Variants in GRID1 observed in about 807,000 individuals in gnomAD.
GRID1 encodes glutamate ionotropic receptor delta type subunit 1.
Under a neutral mutation model 98.0 loss-of-function variants are expected in GRID1, and 28 were observed. That is an observed-to-expected ratio of 0.29 (90% CI 0.21 to 0.39). The LOEUF is 0.39. Among genes scored for constraint, GRID1 ranks in the 10% least tolerant of loss-of-function variants. The probability of loss-of-function intolerance (pLI) is 1.00; values close to 1 mark genes in which losing one functional copy is unlikely to be tolerated. For synonymous variants in GRID1, 553 were observed against 538.5 expected (o/e 1.03, Z -0.37); for missense variants, 1,111 against 1,340.5 (o/e 0.83, Z 2.67).
chr10:85,864,503 T>A (rs931875084), intron 6 of GRID1, among the ~76,000 whole-genome samples: 7 of 152,338 alleles, frequency 4.6e-5, no homozygotes, highest in Non-Finnish European at 8.8e-5. Flanking sequence ...TGCGCAATTG[T>A]CTCCGACAAA....
At chr10:86,106,933 G>T (rs759867780) in intron 4 of GRID1, among the ~76,000 whole-genome samples, 3 of 152,102 alleles carry the variant, frequency 2.0e-5, no homozygotes, top group African/African-American at 7.2e-5. Context: ...GGTGAGGAGA[G>T]AGGTGAAGTT....
At chr10:85,689,922 C>T (rs1166993088) in intron 12 of GRID1, among the ~76,000 whole-genome samples, 5 of 152,042 alleles carry the variant, frequency 3.3e-5, no homozygotes, top group African/African-American at 1.2e-4. Flanking sequence ...ATATCTATGT[C>T]CTTTTGTTGA....
At chr10:85,992,743 A>C (rs547336839) in intron 4 of GRID1, among the ~76,000 whole-genome samples, 1 of 152,238 alleles carries the variant, frequency 6.6e-6, no homozygotes, top group Middle Eastern at 3.4e-3. Context: ...TGAGCCCAGG[A>C]GTTCAAGACC....
chr10:85,971,015 T>TA (rs1234164649), intron 4 of GRID1, among the ~76,000 whole-genome samples: 1 of 151,866 alleles, frequency 6.6e-6, no homozygotes, highest in Admixed American at 6.6e-5. Flanking sequence ...GATCAATATG[T>TA]AAAAATCAAC....
chr10:85,982,988 A>G (rs897723897), intron 4 of GRID1, among the ~76,000 whole-genome samples: 24 of 152,188 alleles, frequency 1.6e-4, no homozygotes, highest in Non-Finnish European at 2.9e-4. Flanking sequence ...AGAAACCTAC[A>G]TGGCATTTCC....
intron 6 of GRID1, among the ~76,000 whole-genome samples, chr10:85,864,782 C>T (rs755064660): frequency 6.6e-6 from 1 of 151,986 alleles, no homozygotes; most frequent in Admixed American, 6.6e-5. Flanking sequence ...TCAAGCCATT[C>T]GACAATTTTA....
chr10:85,877,952 C>A (rs1406816372), intron 5 of GRID1, among the ~76,000 whole-genome samples: 1 of 152,158 alleles, frequency 6.6e-6, no homozygotes, highest in East Asian at 1.9e-4. Context: ...AAAGCCAAGG[C>A]TTGAGAACTA....
intron 5 of GRID1, among the ~76,000 whole-genome samples, chr10:85,895,771 T>C (rs1841284885): frequency 1.3e-5 from 2 of 152,310 alleles, no homozygotes; most frequent in East Asian, 1.9e-4. Flanking sequence ...GTCTTAATGA[T>C]ATGAAATTCC....
chr10:85,833,937 GAGAGAAA>G (rs1842891568), intron 8 of GRID1, among the ~76,000 whole-genome samples: 1 of 152,180 alleles, frequency 6.6e-6, no homozygotes, highest in Non-Finnish European at 1.5e-5. Flanking sequence ...GTGACAAACA[GAGAGAAA>G]ACAGATTGAT....
chr10:85,611,958 T>C (rs1348319697), intron 15 of GRID1, among the ~76,000 whole-genome samples: 3 of 152,176 alleles, frequency 2.0e-5, no homozygotes, highest in African/African-American at 4.8e-5. Context: ...CCAGGGGTGA[T>C]AGGACAGCCA....
intron 12 of GRID1, among the ~76,000 whole-genome samples, chr10:85,666,971 C>G (rs989060895): frequency 6.6e-6 from 1 of 152,148 alleles, no homozygotes; most frequent in Non-Finnish European, 1.5e-5. Flanking sequence ...CGCAGATCTC[C>G]CTACTCCTCC....
At chr10:85,871,994 G>A (rs1326962407) in intron 5 of GRID1, among the ~76,000 whole-genome samples, 2 of 152,294 alleles carry the variant, frequency 1.3e-5, no homozygotes, top group East Asian at 3.9e-4. Context: ...CAAAGGTGGG[G>A]AAATTGACAA....
At chr10:86,197,924 T>C (rs1056056617) in intron 3 of GRID1, among the ~76,000 whole-genome samples, 1 of 152,128 alleles carries the variant, frequency 6.6e-6, no homozygotes, top group Non-Finnish European at 1.5e-5. Context: ...ATAGGTTTCC[T>C]AGCAATTAAA....
At chr10:86,188,017 TTGCCC>T (rs1845749741) in intron 3 of GRID1, among the ~76,000 whole-genome samples, 1 of 152,270 alleles carries the variant, frequency 6.6e-6, no homozygotes, top group East Asian at 1.9e-4. Context: ...CTCCAGGCCT[TTGCCC>T]TGCCCTGCCC....
intron 4 of GRID1, among the ~76,000 whole-genome samples, chr10:86,000,568 G>T (rs1842791806): frequency 6.6e-6 from 1 of 152,164 alleles, no homozygotes; most frequent in South Asian, 2.1e-4. Context: ...TTGGTGAAGG[G>T]ATAGACAAAT....
intron 8 of GRID1, among the ~76,000 whole-genome samples, chr10:85,736,219 GGAAGGAAGGAGA>G (rs1841882287): frequency 7.2e-6 from 1 of 139,046 alleles, no homozygotes; most frequent in Admixed American, 7.2e-5. Flanking sequence ...AAAGAAGGAG[GGAAGGAAGGAGA>G]GAAGGAGGGA....
intron 4 of GRID1, among the ~76,000 whole-genome samples, chr10:85,933,844 G>A (rs1314847649): frequency 6.6e-6 from 1 of 152,198 alleles, no homozygotes; most frequent in African/African-American, 2.4e-5. Context: ...AACAGGATGT[G>A]CATGAGGGCT....
chr10:85,993,205 GTAC>G (rs1842702684), intron 4 of GRID1, among the ~76,000 whole-genome samples: 1 of 152,184 alleles, frequency 6.6e-6, no homozygotes, highest in East Asian at 1.9e-4. Context: ...AGAACAGCAG[GTAC>G]AGAGGACAAG....
intron 4 of GRID1, among the ~76,000 whole-genome samples, chr10:86,001,863 G>C (rs1226858870): frequency 6.6e-6 from 1 of 152,126 alleles, no homozygotes; most frequent in Non-Finnish European, 1.5e-5. Flanking sequence ...CTGAAGTCAA[G>C]GTGCCAGCAA....
Sources: allele counts gnomAD v4.1 joint callset (sites outside exome capture counted in the v4.1 genomes callset), GRCh38; gene constraint gnomAD v4.1.1; transcripts MANE v1.5; gene names NCBI Gene and HGNC (gene_info 2026-07-23, HGNC 2026-07-21).